The following CCDC138 variants were observed in gnomAD, a reference collection of about 807,000 sequenced individuals.
CCDC138 encodes the protein coiled-coil domain-containing protein 138.
In CCDC138, 66 loss-of-function variants were observed where a neutral mutation model predicts 82.3. That is an observed-to-expected ratio of 0.80 (90% confidence interval 0.66 to 0.98). CCDC138 has a LOEUF of 0.98. CCDC138 is among the 50% of genes least tolerant of loss of function. The pLI is 0.00. For missense variants in CCDC138, 816 were observed against 758.9 expected (o/e 1.08, Z -0.88); for synonymous variants, 297 against 265.4 (o/e 1.12, Z -1.16).
Position 108,798,512 on chromosome 2 carries a change from A to G in CCDC138, c.661A>G (p.Arg221Gly). Residue 221 changes from arginine to glycine, a missense_variant, in exon 6 of 15, where the codon AGA (arginine) becomes GGA (glycine). By Grantham distance (125) the Arg-to-Gly change is moderately radical (BLOSUM62 -2). Transcript: ENST00000295124. ...FLLEREQLLF[R>G]HENALSKIKG... is the part of the protein sequence containing the mutation. ...ACTTGAAAGAGAACAACTGCTTTTC[A>G]GACATGAAAATGCCTTGAGTAAAAT... 7 of 1,614,018 alleles carry G rather than the reference A, an allele frequency of 4.3e-6. No individual in the cohort carries two copies. Among genetic ancestry groups the G allele is most frequent in the Non-Finnish European group, 5.9e-6 (7 of 1,179,932 alleles).
chr2:108,873,710 G>A (rs1239005916), intron 14 of CCDC138, 121 bp downstream of exon 14: 11 of 616,544 alleles, frequency 1.8e-5, no homozygotes, highest in Admixed American at 1.3e-4. Flanking sequence ...ATTGCCTTGT[G>A]CCACACATAA....
intron 7 of CCDC138, among the ~76,000 whole-genome samples, chr2:108,806,581 G>T (rs1682911087): frequency 6.6e-6 from 1 of 152,146 alleles, no homozygotes; most frequent in Non-Finnish European, 1.5e-5. Context: ...CTCTCTTTCA[G>T]TGACCCAGCT....
chr2:108,821,492 C>T (rs1189921568), intron 10 of CCDC138, among the ~76,000 whole-genome samples: 2 of 151,392 alleles, frequency 1.3e-5, no homozygotes, highest in African/African-American at 4.9e-5. Flanking sequence ...TAATTGATTG[C>T]AAAGAAAATA....
At chr2:108,860,285 A>G (rs1173055596) in intron 13 of CCDC138, among the ~76,000 whole-genome samples, 1 of 152,168 alleles carries the variant, frequency 6.6e-6, no homozygotes, top group African/African-American at 2.4e-5. Flanking sequence ...TCCTATTGTC[A>G]GTGAACAGAG....
chr2:108,809,679 T>C (rs928906675), intron 7 of CCDC138, among the ~76,000 whole-genome samples: 1 of 152,214 alleles, frequency 6.6e-6, no homozygotes, highest in Non-Finnish European at 1.5e-5. Context: ...ATGTTGATTT[T>C]GTGTCCTTCA....
chr2:108,849,019 A>T (rs1042573963), intron 12 of CCDC138, among the ~76,000 whole-genome samples: 1 of 152,212 alleles, frequency 6.6e-6, no homozygotes, highest in Non-Finnish European at 1.5e-5. Flanking sequence ...GTAAGGGGAT[A>T]CATGGAAGAT....
At chr2:108,787,026 G>T (rs1267227946) in intron 1 of CCDC138, 111 bp downstream of exon 1, 4 of 591,608 alleles carry the variant, frequency 6.8e-6, no homozygotes, top group Non-Finnish European at 7.6e-6. Flanking sequence ...TCCCGGCCCC[G>T]GCACTCCCGC....
intron 10 of CCDC138, among the ~76,000 whole-genome samples, chr2:108,829,982 C>G (rs1687285726): frequency 6.7e-6 from 1 of 150,348 alleles, no homozygotes; most frequent in Admixed American, 6.6e-5. Context: ...AAGTTTATAG[C>G]AAGATTATAT....
chr2:108,838,599 A>G (rs1349326065), intron 10 of CCDC138, among the ~76,000 whole-genome samples: 1 of 152,186 alleles, frequency 6.6e-6, no homozygotes, highest in Non-Finnish European at 1.5e-5. Flanking sequence ...GCAAAATGAT[A>G]TACTTTTGAA....
rs1219596018 is a variant in CCDC138 at position 108,882,153 on chromosome 2, C to CA, written c.44-504dup. On this transcript the variant is annotated intron_variant, in intron 1 of 2. Transcript: ENST00000608781. ...TGGGCAACAGAGTGAGACCCTGTCT[C>CA]AAAAAAAAAAAAAAGAAAAAATAGA... 879 of 90,078 alleles carry CA rather than the reference C, an allele frequency of 9.8e-3. 7 individuals are homozygous for CA. Among genetic ancestry groups the CA allele is most frequent in the African/African-American group, 0.02 (490 of 24,574 alleles). The allele number at this position is 90,078 out of a possible 1,614,324, so 5.6% of individuals were successfully genotyped here.
chr2:108,823,610 G>A (rs936299132), intron 10 of CCDC138, among the ~76,000 whole-genome samples: 3 of 152,234 alleles, frequency 2.0e-5, no homozygotes, highest in Non-Finnish European at 2.9e-5. Flanking sequence ...ATCTTAGGCA[G>A]TTGTAACACA....
chr2:108,837,823 C>A (rs369436919), intron 10 of CCDC138, among the ~76,000 whole-genome samples: 2 of 152,026 alleles, frequency 1.3e-5, no homozygotes, highest in South Asian at 2.1e-4. Flanking sequence ...TAAAATTTTA[C>A]TGAGATTATG....
chr2:108,788,099 T>C lies in CCDC138; in HGVS notation c.151+10T>C, dbSNP rs1558956468. ...ACTCTAACCTCCCCAGGTAAGCCGG[T>C]ATTTTGTATATTTGGGGGTTTCAAA... On this transcript the variant is annotated intron_variant, in intron 2 of 14. Coordinates refer to ENST00000295124, the MANE Select transcript of CCDC138 (RefSeq NM_144978.3). The C allele has an allele frequency of 6.2e-7, 1 of 1,603,248 alleles. No individual in the cohort carries two copies. The highest frequency in any genetic ancestry group is 1.1e-5 in the South Asian group (1 of 89,194).
At chr2:108,806,126 G>A (rs1199922996) in intron 7 of CCDC138, among the ~76,000 whole-genome samples, 4 of 152,084 alleles carry the variant, frequency 2.6e-5, no homozygotes, top group Non-Finnish European at 5.9e-5. Context: ...TTTCTCACCT[G>A]ATCTAATTCT....
chr2:108,864,464 A>G (rs376977950), intron 13 of CCDC138, among the ~76,000 whole-genome samples: 12 of 152,160 alleles, frequency 7.9e-5, no homozygotes, highest in African/African-American at 2.9e-4. Flanking sequence ...GGAGTTTGAG[A>G]CCAGCCTGGG....
chr2:108,867,503 A>G (rs1694602233), intron 13 of CCDC138, among the ~76,000 whole-genome samples: 2 of 152,196 alleles, frequency 1.3e-5, no homozygotes, highest in African/African-American at 2.4e-5. Context: ...CTGCTCCAAG[A>G]GTGTCTTTGT....
chr2:108,811,675 G>GT (rs1345117610), intron 7 of CCDC138, among the ~76,000 whole-genome samples: 1 of 152,042 alleles, frequency 6.6e-6, no homozygotes, highest in Non-Finnish European at 1.5e-5. Flanking sequence ...GATATATTGT[G>GT]TAACAGTGAG....
At chr2:108,818,204 G>T (rs1271950013) in intron 10 of CCDC138, among the ~76,000 whole-genome samples, 1 of 152,124 alleles carries the variant, frequency 6.6e-6, no homozygotes, top group Non-Finnish European at 1.5e-5. Context: ...TCCCTGGGAG[G>T]CTGAGGTGGT....
intron 13 of CCDC138, among the ~76,000 whole-genome samples, chr2:108,865,893 C>G (rs995923089): frequency 2.6e-5 from 4 of 152,084 alleles, no homozygotes; most frequent in Admixed American, 6.5e-5. Context: ...TGTCAGTGCT[C>G]CAAGACAGGG....
Sources: gnomAD v4.1 joint callset for allele counts (sites outside exome capture counted in the v4.1 genomes callset) on GRCh38, gnomAD v4.1.1 for gene constraint, MANE v1.5 for transcripts, NCBI Gene and HGNC (gene_info 2026-07-23, HGNC 2026-07-21) for gene names.